Variants in ERICH2 observed in about 807,000 individuals in gnomAD.
The protein encoded by ERICH2 is glutamate-rich protein 2.
ERICH2 carries 17 observed loss-of-function variants against 17.4 expected under a neutral mutation model. That is an observed-to-expected ratio of 0.98 (90% CI 0.67 to 1.47). The LOEUF is 1.47. Among genes scored for constraint, ERICH2 ranks in the 40% most tolerant of loss-of-function variants. ERICH2 has a pLI of 0.00. For synonymous variants in ERICH2, 51 were observed against 61.1 expected, an observed-to-expected ratio of 0.83 and a Z score of 0.77; for missense variants, 186 against 183.2, an observed-to-expected ratio of 1.01 and a Z score of -0.09.
exon 5 of ERICH2, chr2:170,798,847 G>A (rs767306083): frequency 5.8e-6 from 9 of 1,550,534 alleles, no homozygotes; most frequent in Non-Finnish European, 7.8e-6. Flanking sequence ...AGAAAGCGAT[G>A]AGGAGCTGAG....
At chr2:170,789,842 G>T (rs998272789) in intron 2 of ERICH2, among the ~76,000 whole-genome samples, 2 of 152,226 alleles carry the variant, frequency 1.3e-5, no homozygotes, top group African/African-American at 4.8e-5. Flanking sequence ...GTTTAGGTAT[G>T]ATAGTAATAT....
chr2:170,791,355 G>T (rs1701283629), intron 2 of ERICH2, among the ~76,000 whole-genome samples: 2 of 151,978 alleles, frequency 1.3e-5, no homozygotes, highest in African/African-American at 4.8e-5. Flanking sequence ...CATGATGATG[G>T]GTTAGTAACT....
chr2:170,784,922 TAA>T (rs1029374743), intron 2 of ERICH2, 89 bp downstream of exon 7: 19 of 1,100,770 alleles, frequency 1.7e-5, no homozygotes, highest in Non-Finnish European at 2.3e-5. Flanking sequence ...CTGTGAGAAC[TAA>T]AAAAGTAGAT....
intron 2 of ERICH2, among the ~76,000 whole-genome samples, chr2:170,786,588 C>T (rs1182710874): frequency 6.6e-6 from 1 of 152,040 alleles, no homozygotes; most frequent in Non-Finnish European, 1.5e-5. Flanking sequence ...TTTTTTCTGA[C>T]CTCTGCTCTT....
upstream of ERICH2, among the ~76,000 whole-genome samples, chr2:170,780,369 T>C (rs1443419990): frequency 2.0e-5 from 3 of 152,158 alleles, no homozygotes. Flanking sequence ...AGAAAGACCA[T>C]AGAAAGTGAA....
intron 2 of ERICH2, among the ~76,000 whole-genome samples, chr2:170,786,678 AT>A (rs1232430313): frequency 6.6e-6 from 1 of 151,550 alleles, no homozygotes; most frequent in African/African-American, 2.4e-5. Context: ...TACCACTTAA[AT>A]TTTTTTCAGT....
upstream of ERICH2, among the ~76,000 whole-genome samples, chr2:170,779,289 T>G (rs1446002523): frequency 6.6e-6 from 1 of 152,192 alleles, no homozygotes; most frequent in African/African-American, 2.4e-5. Context: ...ATAGTCTGAC[T>G]GGCAAGTGAG....
upstream of ERICH2, among the ~76,000 whole-genome samples, chr2:170,780,873 TG>T: frequency 6.6e-6 from 1 of 152,226 alleles, no homozygotes; most frequent in East Asian, 1.9e-4. Context: ...ACTAGTGTGG[TG>T]AACTTTTACA....
chr2:170,790,333 A>G (rs1701258081), intron 2 of ERICH2, among the ~76,000 whole-genome samples: 1 of 152,120 alleles, frequency 6.6e-6, no homozygotes, highest in African/African-American at 2.4e-5. Context: ...CATCTCTACT[A>G]AAAATACAAA....
chr2:170,782,296 A>G, upstream of ERICH2: 1 of 953,984 alleles, frequency 1.0e-6, no homozygotes, highest in Non-Finnish European at 1.2e-6. Flanking sequence ...GACTACTGAA[A>G]ATAGAGTATC....
intron 2 of ERICH2, among the ~76,000 whole-genome samples, chr2:170,791,306 C>T (rs955761382): frequency 2.6e-5 from 4 of 151,980 alleles, no homozygotes; most frequent in Admixed American, 2.6e-4. Flanking sequence ...TTTAACATAC[C>T]ATGGGCAGGG....
chr2:170,773,212 T>A, the ERICH2 span, among the ~76,000 whole-genome samples: 787 of 152,306 alleles, frequency 5.2e-3, 7 homozygotes, highest in African/African-American at 0.018. Context: ...TGGGAAAGGG[T>A]GGTTATCATC....
At chr2:170,796,410 ATC>A (rs10534608) in intron 3 of ERICH2, among the ~76,000 whole-genome samples, 132,779 of 141,182 alleles carry the variant, frequency 0.94, 63,022 homozygotes, top group East Asian at 1. Flanking sequence ...CACAATGGTT[ATC>A]TCTCTCTCTC....
intron 4 of ERICH2, among the ~76,000 whole-genome samples, chr2:170,798,483 T>C (rs1464874695): frequency 6.6e-6 from 1 of 152,222 alleles, no homozygotes; most frequent in African/African-American, 2.4e-5. Context: ...GTCAATAAAA[T>C]TCTATGATAG....
intron 3 of ERICH2, among the ~76,000 whole-genome samples, chr2:170,795,853 A>G (rs929540378): frequency 3.3e-5 from 5 of 152,206 alleles, no homozygotes; most frequent in Non-Finnish European, 7.3e-5. Context: ...TACATAATAC[A>G]TGGAGGTCCG....
upstream of ERICH2, chr2:170,782,408 T>C (rs1701049588): frequency 7.2e-6 from 7 of 976,284 alleles, no homozygotes; most frequent in South Asian, 1.9e-4. Context: ...ATTTGTTTCA[T>C]TGAATTAACT....
the ERICH2 span, among the ~76,000 whole-genome samples, chr2:170,773,301 A>G: frequency 1.3e-5 from 2 of 152,232 alleles, no homozygotes; most frequent in African/African-American, 4.8e-5. Context: ...AAGGGCAGCT[A>G]GGAGGTTAGA....
the ERICH2 span, among the ~76,000 whole-genome samples, chr2:170,771,854 T>A: frequency 3.9e-5 from 6 of 152,230 alleles, no homozygotes; most frequent in African/African-American, 1.4e-4. This position sits in a 1 kb window ranked among gnomAD's most constrained non-coding sequence, Gnocchi z 4.8. Flanking sequence ...CATGGTATAA[T>A]GATCAATTTA....
chr2:170,773,807 C>T, the ERICH2 span, among the ~76,000 whole-genome samples: 2,139 of 152,186 alleles, frequency 0.014, 54 homozygotes, highest in African/African-American at 0.049. Flanking sequence ...CTCATTGTAA[C>T]CTCAAGCTCC....
Sources: gnomAD v4.1 joint callset for allele counts (sites outside exome capture counted in the v4.1 genomes callset) on GRCh38, gnomAD v4.1.1 for gene constraint, Gnocchi (gnomAD v3.1) non-coding constraint, MANE v1.5 for transcripts, NCBI Gene and HGNC (gene_info 2026-07-23, HGNC 2026-07-21) for gene names.